Variants in JARID2 observed in about 807,000 individuals in gnomAD.
JARID2 encodes jumonji and AT-rich interaction domain containing 2, also known as protein Jumonji.
In JARID2, 21 loss-of-function variants were observed where a neutral mutation model predicts 125.6. The observed-to-expected ratio is 0.17, with a 90% CI of 0.12 to 0.24. The LOEUF (loss-of-function observed/expected upper bound fraction) is 0.24, where lower values mean the gene tolerates loss of function less well. JARID2 is among the 10% of genes least tolerant of loss of function. The pLI is 1.00. For missense variants in JARID2, 1,303 were observed against 1,639.6 expected (o/e 0.79, Z 3.55); for synonymous variants, 736 against 661.6 (o/e 1.11, Z -1.73).
intron 3 of JARID2, among the ~76,000 whole-genome samples, chr6:15,444,182 G>T (rs1190582013): frequency 2.0e-5 from 3 of 152,160 alleles, no homozygotes; most frequent in Non-Finnish European, 2.9e-5. Flanking sequence ...AGAGCCAGCT[G>T]ACCTCCCGTT....
chr6:15,326,935 C>T (rs1416008957), intron 1 of JARID2, among the ~76,000 whole-genome samples: 1 of 152,230 alleles, frequency 6.6e-6, no homozygotes, highest in Non-Finnish European at 1.5e-5. Flanking sequence ...TACATTGATA[C>T]TGGTTGGGTT....
chr6:15,405,809 ACATTAGCTT>A (rs1454734761), intron 2 of JARID2, among the ~76,000 whole-genome samples: 1 of 152,218 alleles, frequency 6.6e-6, no homozygotes, highest in Non-Finnish European at 1.5e-5. Context: ...AAAAGGCAGT[ACATTAGCTT>A]GGCTAATGTT....
chr6:15,441,154 G>T (rs1386079955), intron 3 of JARID2, among the ~76,000 whole-genome samples: 1 of 152,178 alleles, frequency 6.6e-6, no homozygotes, highest in Admixed American at 6.5e-5. Flanking sequence ...AAGGCTAGAT[G>T]CTGTGTGTTT....
intron 1 of JARID2, among the ~76,000 whole-genome samples, chr6:15,259,629 C>G (rs931604745): frequency 6.6e-6 from 1 of 152,152 alleles, no homozygotes; most frequent in Admixed American, 6.5e-5. Context: ...TGCTAGGGCT[C>G]GCTCATCTGC....
At position 15,495,864 on chromosome 6, in the gene JARID2, C is replaced by T. The variant is rs74714475; in HGVS notation, c.907-268C>T. ...ACGTGAAAATGCACCCAGGAAACCC[C>T]GCTAGGAAGCGCCTGGGGCAGTTTG... On this transcript the variant is annotated intron_variant, in intron 6 of 17. Transcript: ENST00000341776. 2.2e-3 allele frequency among the ~76,000 whole-genome samples: 334 copies of T among 152,256 alleles called. 1 individual carries two copies. The highest frequency in any genetic ancestry group is 0.016 in the East Asian group (84 of 5,164).
intron 2 of JARID2, among the ~76,000 whole-genome samples, chr6:15,375,214 T>G (rs2127517569): frequency 6.6e-6 from 1 of 152,338 alleles, no homozygotes; most frequent in South Asian, 2.1e-4. Context: ...TGCACAGCAG[T>G]ACCTGTTGCT....
intron 1 of JARID2, among the ~76,000 whole-genome samples, chr6:15,363,129 A>G (rs1031953077): frequency 3.3e-5 from 5 of 152,192 alleles, no homozygotes; most frequent in African/African-American, 1.2e-4. Flanking sequence ...TGTGGCAGGA[A>G]AACCAGGGGA....
chr6:15,377,597 C>CTGCGAT (rs1764405981), intron 2 of JARID2, among the ~76,000 whole-genome samples: 2 of 152,168 alleles, frequency 1.3e-5, no homozygotes, highest in Admixed American at 6.5e-5. Context: ...TCCCAAGTAG[C>CTGCGAT]TGCGATTACA....
At chr6:15,317,471 C>T (rs893157270) in intron 1 of JARID2, among the ~76,000 whole-genome samples, 2 of 152,080 alleles carry the variant, frequency 1.3e-5, no homozygotes, top group Non-Finnish European at 2.9e-5. Flanking sequence ...AGTAATTTCC[C>T]CCAAAACTCC....
chr6:15,443,200 T>G (rs1767521498), intron 3 of JARID2, among the ~76,000 whole-genome samples: 1 of 152,156 alleles, frequency 6.6e-6, no homozygotes, highest in Non-Finnish European at 1.5e-5. Context: ...GTGGTGATGT[T>G]TGGATTTGCA....
chr6:15,491,691 T>A (rs1770158532), intron 6 of JARID2, among the ~76,000 whole-genome samples: 1 of 152,240 alleles, frequency 6.6e-6, no homozygotes, highest in African/African-American at 2.4e-5. Context: ...ATTTCTCATC[T>A]TCTGCTCTGC....
rs536384919 is a variant in JARID2 at position 15,402,268 on chromosome 6, C to A, written c.182-7956C>A. 2.0e-5 allele frequency among the ~76,000 whole-genome samples: 3 copies of A among 152,228 alleles called. No individual in the cohort carries two copies. The South Asian group carries it at 6.2e-4, about 32-fold the overall frequency. ...CTTGTCGATCGAGTTAAAGCAGCAG[C>A]TTTGCTTATCTTTGGAGAGCCTGGC... On this transcript the variant is annotated intron_variant, in intron 2 of 17. Coordinates refer to ENST00000341776, the MANE Select transcript of JARID2 (RefSeq NM_004973.4).
At chr6:15,504,443 T>G in intron 8 of JARID2, 57 bp from the exon 9 acceptor site, 5 of 1,325,874 alleles carry the variant, frequency 3.8e-6, no homozygotes, top group East Asian at 2.3e-5. Flanking sequence ...TCTGGCCTCA[T>G]TTGCAGTAGG....
At chr6:15,416,815 T>C (rs1474277385) in intron 3 of JARID2, among the ~76,000 whole-genome samples, 1 of 152,186 alleles carries the variant, frequency 6.6e-6, no homozygotes, top group Non-Finnish European at 1.5e-5. Flanking sequence ...AAGGTGGCCC[T>C]GCCTATCTCC....
At chr6:15,464,900 T>A (rs746594178) in intron 4 of JARID2, among the ~76,000 whole-genome samples, 2 of 152,114 alleles carry the variant, frequency 1.3e-5, no homozygotes, top group South Asian at 4.1e-4. Flanking sequence ...GTAGAAGAAA[T>A]TGTGTTCTTT....
intron 1 of JARID2, among the ~76,000 whole-genome samples, chr6:15,360,192 A>AT (rs963628330): frequency 2.0e-5 from 3 of 151,054 alleles, no homozygotes; most frequent in South Asian, 2.1e-4. Context: ...TAATTAATTA[A>AT]TTTTTTTTGA....
chr6:15,487,203 T>A, intron 5 of JARID2, 104 bp from the exon 6 acceptor site: 1 of 904,768 alleles, frequency 1.1e-6, no homozygotes. Flanking sequence ...GGATTACAGT[T>A]GGACATGAGA....
chr6:15,339,259 G>T (rs1762985224), intron 1 of JARID2, among the ~76,000 whole-genome samples: 1 of 152,118 alleles, frequency 6.6e-6, no homozygotes, highest in Non-Finnish European at 1.5e-5. Flanking sequence ...TCCCTGGAAA[G>T]GCTAAGAGAG....
intron 2 of JARID2, among the ~76,000 whole-genome samples, chr6:15,392,781 T>C (rs1246003679): frequency 2.7e-5 from 4 of 150,056 alleles, no homozygotes; most frequent in African/African-American, 9.9e-5. Flanking sequence ...ACCTCCCAGG[T>C]TCAAGTAATT....
Sources: gnomAD v4.1 joint callset for allele counts (sites outside exome capture counted in the v4.1 genomes callset) on GRCh38, gnomAD v4.1.1 for gene constraint, MANE v1.5 for transcripts, NCBI Gene and HGNC (gene_info 2026-07-23, HGNC 2026-07-21) for gene names.